DNAH1: variants seen among roughly 807,000 people sequenced by gnomAD.
DNAH1 encodes dynein axonemal heavy chain 1.
Under a neutral mutation model 484.3 loss-of-function variants are expected in DNAH1, and 327 were observed. The ratio of observed to expected loss-of-function variants is 0.68; its 90% CI spans 0.62 to 0.74. The LOEUF is 0.74. DNAH1 is among the 30% of genes least tolerant of loss of function. DNAH1 has a pLI of 0.00. For synonymous variants in DNAH1, 2,192 were observed against 2,191.9 expected (o/e 1.00, Z 0.00); for missense variants, 5,052 against 5,546.8 (o/e 0.91, Z 2.83).
Position 52,397,865 on chromosome 3 carries a change from G to A in DNAH1, c.11946G>A (p.Gln3982=). The A allele has an allele frequency of 6.2e-7, 1 of 1,604,020 alleles. No homozygotes were observed. Among genetic ancestry groups the A allele is most frequent in the Non-Finnish European group, 8.5e-7 (1 of 1,174,398 alleles). The part of the protein sequence containing the change: ...LQPKSSSAGS[Q]GREEIVEDVT... ...CCAAATCATCTTCTGCAGGCAGCCA[G>A]GGCCGGGAGGAGGTGGGTGGTGTCA... is the stretch of plus-strand genomic sequence containing the variant. The change falls in exon 74 of 78, where the codon CAG becomes CAA. Residue 3982 remains glutamine, a synonymous_variant. Transcript: ENST00000420323.
intron 12 of DNAH1, among the ~76,000 whole-genome samples, chr3:52,348,569 A>G (rs1260216713): frequency 6.6e-6 from 1 of 152,184 alleles, no homozygotes; most frequent in Non-Finnish European, 1.5e-5. Flanking sequence ...TAGAGCCTTC[A>G]TGACCCAGCT....
In DNAH1 at chr3:52,392,895, C is replaced by T. The variant is rs200295282; in HGVS notation, c.10344C>T (p.Pro3448=). 78 of 1,612,658 alleles carry T rather than the reference C, an allele frequency of 4.8e-5. No homozygotes were observed. Among genetic ancestry groups the T allele is most frequent in the East Asian group, 2.0e-4 (9 of 44,806 alleles). The change falls in exon 65 of 78, where the codon CCC becomes CCT. Residue 3448 remains proline, a synonymous_variant. Coordinates refer to ENST00000420323, the MANE Select transcript of DNAH1 (RefSeq NM_015512.5). ...DIDLTRMEYI[P]VAIRTQILFF... ...ACCTGACGCGCATGGAGTACATACCCGTGGCCATCCGCACCCAGATCCTCT... is the reference window on the plus strand; with the variant it reads ...ACCTGACGCGCATGGAGTACATACCTGTGGCCATCCGCACCCAGATCCTCT...
intron 6 of DNAH1, among the ~76,000 whole-genome samples, 166 bp downstream of exon 6, chr3:52,328,180 G>C (rs1327300214): frequency 6.6e-6 from 1 of 152,210 alleles, no homozygotes; most frequent in Non-Finnish European, 1.5e-5. Context: ...AGGCAGGAAT[G>C]CAGGGACCAG....
intron 8 of DNAH1, among the ~76,000 whole-genome samples, chr3:52,341,249 G>A (rs1011706569): frequency 2.6e-5 from 4 of 152,132 alleles, no homozygotes; most frequent in Non-Finnish European, 5.9e-5. Context: ...ATCTTCAGGC[G>A]AGATGGCAGC....
chr3:52,351,910 C>T, intron 16 of DNAH1, 52 bp from the exon 17 acceptor site: 1 of 1,570,818 alleles, frequency 6.4e-7, no homozygotes, highest in South Asian at 1.2e-5. Context: ...TCTTGCCACT[C>T]CACCACTTCA....
chr3:52,373,676 G>C (rs1211044210), intron 44 of DNAH1: 8 of 1,396,632 alleles, frequency 5.7e-6, no homozygotes, highest in East Asian at 2.3e-5. Flanking sequence ...CTGATCAAAA[G>C]AAGTTTTTTA....
chr3:52,363,785 A>G (rs928682538), intron 32 of DNAH1, among the ~76,000 whole-genome samples: 1 of 152,192 alleles, frequency 6.6e-6, no homozygotes, highest in Non-Finnish European at 1.5e-5. Context: ...CTGCTCATCC[A>G]TGAACACCAA....
chr3:52,374,097 A>C (rs1392775947), intron 44 of DNAH1: 1 of 1,086,558 alleles, frequency 9.2e-7, no homozygotes, highest in African/African-American at 1.5e-5. Flanking sequence ...CAGGAGAGAG[A>C]TTTTCTTAAA....
rs146126957 is a variant in DNAH1, at chr3:52,347,067, C to T, written c.1955+297C>T. Among the ~76,000 whole-genome samples the T allele has an allele frequency of 2.3e-3, 344 of 149,842 alleles. 1 individual carries two copies. The highest frequency in any genetic ancestry group is 7.3e-3 in the African/African-American group (301 of 41,450). On this transcript the variant is annotated intron_variant, in intron 11 of 77. Transcript: ENST00000420323. ...ACAAGAGAGGCCCAGTCCCTGGTCT[C>T]ATGGGAAAGACAGGCAGCAAGCAGA...
rs1704210475 is a variant in DNAH1 at position 52,388,486 on chromosome 3, C to T, written c.9240C>T (p.Arg3080=). 6.2e-7 allele frequency: 1 copy of T among 1,612,730 alleles called. No individual in the cohort carries two copies. Among genetic ancestry groups the T allele is most frequent in the Non-Finnish European group, 8.5e-7 (1 of 1,179,426 alleles). The change falls in exon 58 of 78, where the codon CGC becomes CGT. Residue 3080 remains arginine (R), a synonymous_variant. Coordinates refer to ENST00000420323, the MANE Select transcript of DNAH1 (RefSeq NM_015512.5). ...TQRILDEAKQ[R]LREVEDGIAT... Reference sequence around the variant, plus strand: ...GGATCCTGGATGAGGCAAAACAGCGCCTTCGTGAGGTGGAGGACGGCATCG... The same window carrying T: ...GGATCCTGGATGAGGCAAAACAGCGTCTTCGTGAGGTGGAGGACGGCATCG...
upstream of DNAH1, among the ~76,000 whole-genome samples, chr3:52,312,175 C>G (rs377428368): frequency 3.3e-5 from 5 of 152,210 alleles, no homozygotes; most frequent in African/African-American, 1.2e-4. Flanking sequence ...GCCTGCAAAA[C>G]AAGGCTTTGC....
chr3:52,352,357 G>A (rs941073718), intron 17 of DNAH1, among the ~76,000 whole-genome samples, 195 bp from the exon 18 acceptor site: 2 of 152,114 alleles, frequency 1.3e-5, no homozygotes, highest in Non-Finnish European at 2.9e-5. Flanking sequence ...GGCCTACTGG[G>A]CAGTGGGCAC....
At chr3:52,326,117 C>T (rs370211789) in intron 3 of DNAH1, 23 bp from the exon 4 acceptor site, 6 of 1,553,440 alleles carry the variant, frequency 3.9e-6, no homozygotes, top group African/African-American at 2.7e-5. Context: ...CCCTGAAGCC[C>T]CTGCCCCTGC....
chr3:52,327,419 G>A (rs917789431), intron 5 of DNAH1, among the ~76,000 whole-genome samples: 1 of 152,148 alleles, frequency 6.6e-6, no homozygotes, highest in Non-Finnish European at 1.5e-5. Flanking sequence ...GGTGGTCCCT[G>A]TAAGGAGGTA....
At chr3:52,357,460 G>A (rs1429503224) in intron 22 of DNAH1, among the ~76,000 whole-genome samples, 154 bp from the exon 23 acceptor site, 1 of 152,206 alleles carries the variant, frequency 6.6e-6, no homozygotes, top group African/African-American at 2.4e-5. Context: ...TGGGGCTGAT[G>A]GTTGCAGCCA....
At chr3:52,332,435 T>G in intron 8 of DNAH1, 41 bp downstream of exon 8, 1 of 1,595,542 alleles carries the variant, frequency 6.3e-7, no homozygotes, top group Non-Finnish European at 8.5e-7. Flanking sequence ...GGCATCACCT[T>G]CTTCAGGGAA....
intron 8 of DNAH1, among the ~76,000 whole-genome samples, chr3:52,342,268 C>T (rs1011040255): frequency 6.6e-6 from 1 of 152,246 alleles, no homozygotes; most frequent in East Asian, 1.9e-4. Flanking sequence ...GGCAGAGACG[C>T]GGCCACAGGC....
intron 1 of DNAH1, 134 bp downstream of exon 1, chr3:52,316,679 G>C (rs1700961860): frequency 6.6e-6 from 1 of 152,236 alleles, no homozygotes; most frequent in Admixed American, 6.5e-5. Flanking sequence ...TCATGGCCTG[G>C]CCTCTCCATC....
chr3:52,319,856 C>T lies in DNAH1; in HGVS notation c.-34-2553C>T, dbSNP rs992126968. Among the ~76,000 whole-genome samples, 7 of 152,320 alleles carry T rather than the reference C, an allele frequency of 4.6e-5. 1 individual carries two copies. In the South Asian group the frequency reaches 6.2e-4, roughly 14 times the overall value. On this transcript the variant is annotated intron_variant, in intron 1 of 77. Transcript: ENST00000420323. Reference sequence around the variant, plus strand: ...AGGTTCTGAGTTTGCAGCTCACTCTCACACCTTCTTTGGGACACACCTCGG... The same window carrying T: ...AGGTTCTGAGTTTGCAGCTCACTCTTACACCTTCTTTGGGACACACCTCGG...
Sources: allele counts gnomAD v4.1 joint callset (sites outside exome capture counted in the v4.1 genomes callset), GRCh38; gene constraint gnomAD v4.1.1; transcripts MANE v1.5; gene names NCBI Gene and HGNC (gene_info 2026-07-23, HGNC 2026-07-21).